Variants in TRDN observed in about 807,000 individuals in gnomAD.
TRDN encodes triadin.
Under a neutral mutation model 149.7 loss-of-function variants are expected in TRDN, and 161 were observed. The ratio of observed to expected loss-of-function variants is 1.08; its 90% CI spans 0.95 to 1.23. TRDN has a LOEUF of 1.23. Ranked by LOEUF, TRDN falls within the 50% of genes most tolerant of loss-of-function variation. TRDN has a pLI of 0.00. For synonymous variants in TRDN, 294 were observed against 250.5 expected (o/e 1.17, Z -1.64); for missense variants, 896 against 823.5 (o/e 1.09, Z -1.08).
intron 24 of TRDN, among the ~76,000 whole-genome samples, chr6:123,293,575 C>A (rs990047235): frequency 1.3e-5 from 2 of 152,094 alleles, no homozygotes; most frequent in East Asian, 3.9e-4. Context: ...GAGTACCCCC[C>A]TTCTGAAAAA....
chr6:123,316,114 G>C (rs1301576908), intron 24 of TRDN, among the ~76,000 whole-genome samples: 1 of 151,878 alleles, frequency 6.6e-6, no homozygotes, highest in Admixed American at 6.6e-5. Flanking sequence ...GACATGCTCT[G>C]TATGGAGCCT....
chr6:123,579,467 A>T (rs1783013385), intron 1 of TRDN, among the ~76,000 whole-genome samples: 1 of 152,220 alleles, frequency 6.6e-6, no homozygotes, highest in African/African-American at 2.4e-5. Flanking sequence ...ATGTTGAACC[A>T]ACCTGGCATC....
At chr6:123,482,052 G>T (rs1246658877) in intron 9 of TRDN, among the ~76,000 whole-genome samples, 1 of 152,142 alleles carries the variant, frequency 6.6e-6, no homozygotes, top group Non-Finnish European at 1.5e-5. Context: ...CTTCCGCTTT[G>T]TTTCCACCTG....
At chr6:123,301,748 T>TAC (rs1156658899) in intron 24 of TRDN, among the ~76,000 whole-genome samples, 4 of 97,042 alleles carry the variant, frequency 4.1e-5, no homozygotes, top group African/African-American at 1.5e-4. Context: ...TATGTATATA[T>TAC]ATACATATAT....
chr6:123,523,671 C>T (rs913838617), intron 5 of TRDN, among the ~76,000 whole-genome samples: 5 of 151,962 alleles, frequency 3.3e-5, no homozygotes, highest in South Asian at 2.1e-4. Flanking sequence ...AATTATAGTA[C>T]GGAGGAGCTA....
chr6:123,553,563 C>T (rs1429154923), intron 2 of TRDN, among the ~76,000 whole-genome samples: 1 of 152,074 alleles, frequency 6.6e-6, no homozygotes, highest in East Asian at 1.9e-4. Flanking sequence ...AGTCCGTTTC[C>T]ATACTGCTGA....
intron 21 of TRDN, among the ~76,000 whole-genome samples, chr6:123,342,602 C>T (rs1286625446): frequency 6.6e-6 from 1 of 151,856 alleles, no homozygotes; most frequent in African/African-American, 2.4e-5. Flanking sequence ...TAGGTATTAT[C>T]CATAATTTTA....
At chr6:123,448,011 A>G (rs1775497493) in intron 10 of TRDN, among the ~76,000 whole-genome samples, 1 of 152,128 alleles carries the variant, frequency 6.6e-6, no homozygotes, top group African/African-American at 2.4e-5. Context: ...GAAATTTCCA[A>G]CTTTATCAGG....
intron 1 of TRDN, among the ~76,000 whole-genome samples, chr6:123,608,790 T>C (rs1784646056): frequency 6.6e-6 from 1 of 152,120 alleles, no homozygotes; most frequent in African/African-American, 2.4e-5. Context: ...AAATCATATG[T>C]CTTTGAATCA....
intron 21 of TRDN, among the ~76,000 whole-genome samples, chr6:123,338,311 G>C (rs1779947518): frequency 6.6e-6 from 1 of 152,128 alleles, no homozygotes; most frequent in Non-Finnish European, 1.5e-5. Flanking sequence ...TGGGAGGCCT[G>C]GACAGGGCAG....
chr6:123,371,333 T>C (rs1008242307), intron 19 of TRDN, among the ~76,000 whole-genome samples: 2 of 152,210 alleles, frequency 1.3e-5, no homozygotes, highest in African/African-American at 4.8e-5. Context: ...CTGAAATGGC[T>C]GCTTTTTCTT....
chr6:123,363,782 C>G (rs1030941435), intron 20 of TRDN, among the ~76,000 whole-genome samples: 10 of 152,310 alleles, frequency 6.6e-5, no homozygotes, highest in African/African-American at 1.9e-4. Context: ...TGTCCTGATT[C>G]AACCCCATAC....
intron 38 of TRDN, among the ~76,000 whole-genome samples, chr6:123,227,371 A>G (rs1775415214): frequency 6.6e-6 from 1 of 151,868 alleles, no homozygotes; most frequent in Non-Finnish European, 1.5e-5. Flanking sequence ...AGTTTGGAGA[A>G]AGACAGTGGT....
chr6:123,256,599 AAT>A (rs1255490388), intron 35 of TRDN, among the ~76,000 whole-genome samples: 4 of 150,994 alleles, frequency 2.6e-5, no homozygotes, highest in African/African-American at 9.7e-5. Flanking sequence ...AGCTTTTTAA[AAT>A]ATGTTTGCCT....
intron 9 of TRDN, among the ~76,000 whole-genome samples, chr6:123,476,179 TCTC>T: frequency 1.5e-5 from 1 of 66,936 alleles, no homozygotes; most frequent in Non-Finnish European, 3.2e-5. Context: ...CAGACCAAAA[TCTC>T]CTTAAGCTGA....
intron 23 of TRDN, among the ~76,000 whole-genome samples, chr6:123,320,179 G>A (rs559227973): frequency 5.3e-5 from 8 of 151,172 alleles, no homozygotes; most frequent in Admixed American, 1.3e-4. Context: ...TTAGCACATA[G>A]ATATCTCACA....
At chr6:123,476,738 C>T (rs1356828598) in intron 9 of TRDN, among the ~76,000 whole-genome samples, 8 of 147,788 alleles carry the variant, frequency 5.4e-5, no homozygotes, top group Admixed American at 4.0e-4. Context: ...CAGAACAGAG[C>T]CCTCAGAAAT....
At chr6:123,427,457 A>G (rs1372744082) in intron 12 of TRDN, among the ~76,000 whole-genome samples, 1 of 152,124 alleles carries the variant, frequency 6.6e-6, no homozygotes, top group East Asian at 1.9e-4. Flanking sequence ...TCTTAAATGT[A>G]ATGTAATCCT....
intron 1 of TRDN, among the ~76,000 whole-genome samples, chr6:123,634,682 C>T (rs1786199895): frequency 1.3e-5 from 2 of 151,760 alleles, no homozygotes; most frequent in South Asian, 4.1e-4. Flanking sequence ...AATGACTGTG[C>T]TTCCTTAAAA....
Sources: gnomAD v4.1 joint callset for allele counts (sites outside exome capture counted in the v4.1 genomes callset) on GRCh38, gnomAD v4.1.1 for gene constraint, MANE v1.5 for transcripts, NCBI Gene and HGNC (gene_info 2026-07-23, HGNC 2026-07-21) for gene names.